Variants in NDRG3 observed in about 807,000 individuals in gnomAD.
NDRG3 encodes the protein NDRG family member 3.
In NDRG3, 23 loss-of-function variants were observed where a neutral mutation model predicts 57.2. The ratio of observed to expected loss-of-function variants is 0.40; its 90% CI spans 0.29 to 0.57. The LOEUF is 0.57. NDRG3 is among the 20% of genes least tolerant of loss of function. The pLI, the probability that NDRG3 is intolerant of heterozygous loss-of-function variation, is 0.42. For missense variants in NDRG3, 384 were observed against 457.3 expected (o/e 0.84, Z 1.46); for synonymous variants, 132 against 162.6 (o/e 0.81, Z 1.43).
chr20:36,733,165 AAAAAAAATATATATATATATAT>A (rs1985400944), intron 1 of NDRG3, among the ~76,000 whole-genome samples: 1 of 44,560 alleles, frequency 2.2e-5, no homozygotes, highest in Non-Finnish European at 4.2e-5. Flanking sequence ...AAAAAAAAAA[AAAAAAAATATATATATATATAT>A]ATATATATAT....
chr20:36,687,413 C>A, intron 5 of NDRG3, 79 bp downstream of exon 5: 2 of 1,532,758 alleles, frequency 1.3e-6, no homozygotes, highest in Non-Finnish European at 1.8e-6. Context: ...AAGGGAAGCA[C>A]ACACCACTTC....
intron 3 of NDRG3, among the ~76,000 whole-genome samples, chr20:36,692,280 G>A (rs980516994): frequency 6.6e-6 from 1 of 152,164 alleles, no homozygotes; most frequent in Non-Finnish European, 1.5e-5. Context: ...CTGGAGTGCA[G>A]TGGCACGATC....
chr20:36,715,649 C>T lies in NDRG3; in HGVS notation c.57+6030G>A, dbSNP rs1209402698. Among the ~76,000 whole-genome samples, 3 of 149,944 alleles carry T rather than the reference C, an allele frequency of 2.0e-5. No homozygotes were observed. In the South Asian group the frequency reaches 6.4e-4, roughly 32 times the overall value. The stretch of plus-strand genomic sequence containing the variant: ...CGTGGGCAACAAAGTGAGACCTCTT[C>T]TCTACAAATAACTTAAAAATTGGCC... On this transcript the variant is annotated intron_variant, in intron 2 of 15. Transcript: ENST00000349004.
At chr20:36,679,139 A>G (rs1981020526) in intron 8 of NDRG3, among the ~76,000 whole-genome samples, 1 of 152,154 alleles carries the variant, frequency 6.6e-6, no homozygotes. Flanking sequence ...TCGTATTTTT[A>G]GTAGAGACAG....
chr20:36,692,871 C>T (rs1049012962), intron 3 of NDRG3, among the ~76,000 whole-genome samples: 7 of 150,700 alleles, frequency 4.6e-5, no homozygotes, highest in Non-Finnish European at 8.9e-5. Context: ...CCCAGGAGTT[C>T]GAGACCAGCC....
chr20:36,730,938 G>GAAAA (rs780773071), intron 1 of NDRG3, among the ~76,000 whole-genome samples: 2 of 100,812 alleles, frequency 2.0e-5, no homozygotes. Flanking sequence ...ATGCTGTCTC[G>GAAAA]AAAAAAAAAA....
At chr20:36,707,216 A>G (rs1417514704) in intron 2 of NDRG3, among the ~76,000 whole-genome samples, 3 of 152,210 alleles carry the variant, frequency 2.0e-5, no homozygotes, top group Admixed American at 2.0e-4. Context: ...ATTATGCTTT[A>G]GTGGGCTTAT....
rs769064385 is a variant in NDRG3, at chr20:36,653,628, T to C, written c.1020A>G (p.Glu340=). The C allele has an allele frequency of 1.2e-6, 2 of 1,614,172 alleles. No homozygotes were observed. Among genetic ancestry groups the C allele is most frequent in the Non-Finnish European group, 1.7e-6 (2 of 1,180,036 alleles). ...HSTSSSLGSG[E]SPFSRSVTSN... is the part of the protein sequence containing the mutation. Reference sequence around the variant, plus strand: ...TGGTGACAGACCGGCTGAAGGGACTTTCTCCAGAGCCGAGGCTACTCGAGG... The same window carrying C: ...TGGTGACAGACCGGCTGAAGGGACTCTCTCCAGAGCCGAGGCTACTCGAGG... Residue 340 remains glutamate (E), a synonymous_variant, in exon 16 of 16, where the codon GAA becomes GAG. Coordinates refer to ENST00000349004, the MANE Select transcript of NDRG3 (RefSeq NM_032013.4). This position sits in a 1 kb window ranked among gnomAD's most constrained non-coding sequence, Gnocchi z 4.2.
At chr20:36,671,423 A>C in intron 8 of NDRG3, 26 bp from the exon 9 acceptor site, 1 of 1,601,156 alleles carries the variant, frequency 6.2e-7, no homozygotes, top group Non-Finnish European at 8.6e-7. Context: ...CTCTGTGTTA[A>C]GAATGTAAGC....
At chr20:36,683,024 C>T (rs1387773477) in intron 6 of NDRG3, among the ~76,000 whole-genome samples, 1 of 151,870 alleles carries the variant, frequency 6.6e-6, no homozygotes. Flanking sequence ...GAGCGGATCA[C>T]GAAGTCAGGA....
At chr20:36,697,383 C>A (rs140459687) in intron 3 of NDRG3, among the ~76,000 whole-genome samples, 2 of 152,060 alleles carry the variant, frequency 1.3e-5, no homozygotes, top group South Asian at 2.1e-4. Flanking sequence ...TTTTTTCCCC[C>A]CCAAGAATAG....
chr20:36,699,233 G>C (rs1013242682), intron 3 of NDRG3, among the ~76,000 whole-genome samples: 2 of 152,124 alleles, frequency 1.3e-5, no homozygotes, highest in African/African-American at 2.4e-5. Context: ...GCATGAGCCA[G>C]CACAGCCAGC....
At chr20:36,706,811 T>TTTAAGTG (rs1983573440) in intron 3 of NDRG3, among the ~76,000 whole-genome samples, 161 bp downstream of exon 3, 1 of 152,098 alleles carries the variant, frequency 6.6e-6, no homozygotes, top group Non-Finnish European at 1.5e-5. Context: ...GGCCAACAAT[T>TTTAAGTG]GCAAATCATT....
intron 13 of NDRG3, among the ~76,000 whole-genome samples, chr20:36,658,954 G>GTT (rs58306169): frequency 5.1e-4 from 68 of 132,314 alleles, no homozygotes; most frequent in Admixed American, 1.1e-3. Context: ...TGTTGACGAA[G>GTT]TTTTTTTTTT....
chr20:36,700,549 C>A, intron 3 of NDRG3: 1 of 517,574 alleles, frequency 1.9e-6, no homozygotes, highest in Non-Finnish European at 3.9e-6. Context: ...ATTCAGTTGT[C>A]AGGCCACTGC....
intron 3 of NDRG3, among the ~76,000 whole-genome samples, chr20:36,705,074 C>T (rs935851275): frequency 1.4e-4 from 21 of 151,698 alleles, no homozygotes; most frequent in Admixed American, 1.3e-3. Context: ...AATCCCAGCA[C>T]TTTGGGAGGC....
rs200673225 is a variant in NDRG3, at chr20:36,682,730, T to C, written c.384-152A>G. The C allele has an allele frequency of 9.7e-5, 63 of 652,580 alleles. 1 individual carries two copies. In the African/African-American group the frequency reaches 1.0e-3, roughly 11 times the overall value. The allele number at this position is 652,580 out of a possible 1,614,324, so 40.4% of individuals were successfully genotyped here. ...AAGTGTTTTTTTTCTTTCCCCTAAC[T>C]TTCTGAGCCTCAGTTCCTTATTTAT... On this transcript the variant is annotated intron_variant, in intron 6 of 15. Coordinates refer to ENST00000349004, the MANE Select transcript of NDRG3 (RefSeq NM_032013.4).
At chr20:36,740,385 C>T (rs1224234463) in intron 1 of NDRG3, among the ~76,000 whole-genome samples, 1 of 152,216 alleles carries the variant, frequency 6.6e-6, no homozygotes, top group Non-Finnish European at 1.5e-5. Context: ...CTCGCTCTAT[C>T]ACCCAGGCTG....
chr20:36,653,429 T>A lies in NDRG3; in HGVS notation c.*91A>T, dbSNP rs1163311510. The A allele has an allele frequency of 1.7e-6, 2 of 1,167,842 alleles. No homozygotes were observed. The highest frequency in any genetic ancestry group is 4.5e-5 in the Admixed American group (2 of 43,988). 72.3% of individuals were successfully genotyped at this position (1,167,842 alleles called of 1,614,324 possible). ...TCAGTGGCCATGCATGAGTTAAAGA[T>A]AGTAGAGGCCAGTTTACTGGATGAA... On this transcript the variant is annotated 3_prime_UTR_variant, in exon 16 of 16. Coordinates refer to ENST00000349004, the MANE Select transcript of NDRG3 (RefSeq NM_032013.4). This position sits in a 1 kb window ranked among gnomAD's most constrained non-coding sequence, Gnocchi z 4.2.
Sources: allele counts gnomAD v4.1 joint callset (sites outside exome capture counted in the v4.1 genomes callset), GRCh38; gene constraint gnomAD v4.1.1; non-coding constraint Gnocchi (gnomAD v3.1); transcripts MANE v1.5; gene names NCBI Gene and HGNC (gene_info 2026-07-23, HGNC 2026-07-21).